Variants in NALCN observed in about 807,000 individuals in gnomAD.
The protein encoded by NALCN is sodium leak channel, non-selective.
In NALCN, 111 loss-of-function variants were observed where a neutral mutation model predicts 225.3. The observed-to-expected ratio is 0.49, with a 90% CI of 0.42 to 0.58. The LOEUF is 0.58. Among genes scored for constraint, NALCN ranks in the 20% least tolerant of loss-of-function variants. NALCN has a pLI of 0.00. For synonymous variants in NALCN, 764 were observed against 769.0 expected, an observed-to-expected ratio of 0.99 and a Z score of 0.11; for missense variants, 1,378 against 2,202.4, an observed-to-expected ratio of 0.63 and a Z score of 7.49.
chr13:101,077,517 A>T (rs1566788518), intron 34 of NALCN, among the ~76,000 whole-genome samples: 1 of 152,176 alleles, frequency 6.6e-6, no homozygotes, highest in Non-Finnish European at 1.5e-5. Context: ...GAACTAGGGC[A>T]AAGGTGACTC....
intron 15 of NALCN, among the ~76,000 whole-genome samples, chr13:101,154,412 G>T (rs556203478): frequency 6.6e-6 from 1 of 152,010 alleles, no homozygotes; most frequent in Non-Finnish European, 1.5e-5. Context: ...ATTTTCTCTC[G>T]TTTTCCTAAG....
At chr13:101,325,948 G>C (rs925464248) in intron 7 of NALCN, among the ~76,000 whole-genome samples, 5 of 152,138 alleles carry the variant, frequency 3.3e-5, no homozygotes, top group African/African-American at 9.7e-5. Flanking sequence ...TGAGACTTGA[G>C]AGTTCAGTCA....
At chr13:101,132,424 T>C (rs2036561773) in intron 17 of NALCN, among the ~76,000 whole-genome samples, 1 of 152,154 alleles carries the variant, frequency 6.6e-6, no homozygotes, top group Non-Finnish European at 1.5e-5. Flanking sequence ...TTTAAAATCA[T>C]ACATGTGTTC....
intron 10 of NALCN, among the ~76,000 whole-genome samples, chr13:101,274,328 G>C (rs1017750274): frequency 6.6e-6 from 1 of 152,198 alleles, no homozygotes; most frequent in Admixed American, 6.5e-5. Context: ...TTTCACAGTA[G>C]GGTAATACAC....
intron 15 of NALCN, among the ~76,000 whole-genome samples, chr13:101,168,346 T>C (rs1451828525): frequency 6.6e-6 from 1 of 152,164 alleles, no homozygotes; most frequent in Non-Finnish European, 1.5e-5. Flanking sequence ...TATCTCTCCA[T>C]AGACATTGTC....
At chr13:101,170,361 G>T (rs897599658) in intron 15 of NALCN, among the ~76,000 whole-genome samples, 31 of 152,106 alleles carry the variant, frequency 2.0e-4, no homozygotes, top group Non-Finnish European at 4.1e-4. Flanking sequence ...TGTTCTATCT[G>T]GGACCTCAAA....
chr13:101,108,349 C>T (rs2035254318), intron 20 of NALCN, among the ~76,000 whole-genome samples: 6 of 151,992 alleles, frequency 3.9e-5, no homozygotes, highest in Admixed American at 3.9e-4. Flanking sequence ...CAGGATATGG[C>T]AAGTGGAAAC....
chr13:101,088,559 T>G (rs9518301), intron 30 of NALCN, among the ~76,000 whole-genome samples: 8,693 of 152,282 alleles, frequency 0.057, 273 homozygotes, highest in South Asian at 0.11. Context: ...AGTCATTGCT[T>G]TTTCTGCAAC....
chr13:101,090,098 A>G, intron 28 of NALCN, 132 bp from the exon 29 acceptor site: 1 of 1,306,262 alleles, frequency 7.7e-7, no homozygotes, highest in Non-Finnish European at 1.1e-6. Flanking sequence ...ATATATACAC[A>G]CACACGTGTG....
intron 15 of NALCN, among the ~76,000 whole-genome samples, chr13:101,172,815 C>T (rs1224656409): frequency 1.3e-5 from 2 of 152,124 alleles, no homozygotes; most frequent in African/African-American, 4.8e-5. Context: ...GATCCGCCCA[C>T]CTCAGCCTCC....
intron 9 of NALCN, among the ~76,000 whole-genome samples, chr13:101,285,022 A>G (rs9518364): frequency 0.59 from 90,100 of 151,990 alleles, 27,329 homozygotes; most frequent in East Asian, 0.94. Context: ...TTTCATTCCT[A>G]CCTGAGGTCG....
intron 10 of NALCN, among the ~76,000 whole-genome samples, chr13:101,275,524 C>T (rs1289548107): frequency 6.6e-6 from 1 of 152,146 alleles, no homozygotes. Flanking sequence ...TGTCCTGTCG[C>T]GTACCACTGG....
intron 28 of NALCN, among the ~76,000 whole-genome samples, chr13:101,093,511 AC>A (rs2034343646): frequency 6.6e-6 from 1 of 152,212 alleles, no homozygotes; most frequent in Non-Finnish European, 1.5e-5. Context: ...GGACAAGAGC[AC>A]TTGTGATGAT....
chr13:101,414,013 G>A (rs2047860746), intron 1 of NALCN, among the ~76,000 whole-genome samples: 1 of 151,444 alleles, frequency 6.6e-6, no homozygotes, highest in African/African-American at 2.4e-5. Context: ...AGCCTCCCAA[G>A]TAACTGGGGC....
chr13:101,279,667 A>T (rs112324554), intron 10 of NALCN, among the ~76,000 whole-genome samples: 1 of 141,816 alleles, frequency 7.1e-6, no homozygotes, highest in African/African-American at 2.5e-5. Context: ...ATACAAAAAA[A>T]TTAGCCGGGC....
chr13:101,186,226 G>C (rs1210161389), intron 14 of NALCN, among the ~76,000 whole-genome samples: 1 of 152,184 alleles, frequency 6.6e-6, no homozygotes, highest in Non-Finnish European at 1.5e-5. Context: ...ATGTACACAT[G>C]CCTCTCTTAC....
chr13:101,390,283 G>T (rs1224795137), intron 3 of NALCN, among the ~76,000 whole-genome samples: 1 of 151,462 alleles, frequency 6.6e-6, no homozygotes, highest in Non-Finnish European at 1.5e-5. Flanking sequence ...AAAAAAGAAA[G>T]AACAAAAACT....
In NALCN at chr13:101,065,457, G is replaced by A. The variant is rs748173874; in HGVS notation, c.4551C>T (p.Tyr1517=). The stretch of plus-strand genomic sequence containing the variant: ...CGCCATTGTGGAGCCTCTCCATTTC[G>A]TAGCACATGTGCTTAAACAGGAGCT... ...KDKLLFKHMC[Y]EMERLHNGGD... Residue 1517 remains tyrosine (Y), a synonymous_variant, in exon 40 of 44, where the codon TAC becomes TAT. Transcript: ENST00000251127. 5.6e-6 allele frequency: 9 copies of A among 1,614,154 alleles called. No homozygotes were observed. The highest frequency in any genetic ancestry group is 3.3e-5 in the Admixed American group (2 of 60,030).
intron 2 of NALCN, among the ~76,000 whole-genome samples, chr13:101,397,066 T>TTATATATATATATATA (rs368771604): frequency 1.8e-5 from 1 of 56,388 alleles, no homozygotes; most frequent in Non-Finnish European, 3.5e-5. Flanking sequence ...TATGAATGTA[T>TTATATATATATATATA]TATATATATA....
Sources: allele counts gnomAD v4.1 joint callset (sites outside exome capture counted in the v4.1 genomes callset), GRCh38; gene constraint gnomAD v4.1.1; transcripts MANE v1.5; gene names NCBI Gene and HGNC (gene_info 2026-07-23, HGNC 2026-07-21).